DTWD2: variants seen among roughly 807,000 people sequenced by gnomAD.
The protein encoded by DTWD2 is tRNA-uridine aminocarboxypropyltransferase 2.
In DTWD2, 39 loss-of-function variants were observed where a neutral mutation model predicts 31.8. That is an observed-to-expected ratio of 1.22 (90% CI 0.95 to 1.60). The LOEUF (loss-of-function observed/expected upper bound fraction) is 1.60, where lower values mean the gene tolerates loss of function less well. Among genes scored for constraint, DTWD2 ranks in the 40% most tolerant of loss-of-function variants. DTWD2 has a pLI of 0.00. For missense variants in DTWD2, 515 were observed against 381.5 expected (o/e 1.35, Z -2.92); for synonymous variants, 180 against 142.8 (o/e 1.26, Z -1.86).
chr5:118,864,451 C>G (rs999336162), intron 4 of DTWD2, among the ~76,000 whole-genome samples: 3 of 149,938 alleles, frequency 2.0e-5, no homozygotes, highest in Admixed American at 2.0e-4. Context: ...TTAATGGGTG[C>G]AGCACACCAG....
intron 5 of DTWD2, among the ~76,000 whole-genome samples, chr5:118,843,699 C>G (rs1242168469): frequency 6.6e-6 from 1 of 152,162 alleles, no homozygotes; most frequent in African/African-American, 2.4e-5. Flanking sequence ...AAGATTCCAA[C>G]TTTTACATCC....
chr5:118,871,843 T>C (rs542619234), intron 4 of DTWD2, among the ~76,000 whole-genome samples: 1 of 152,302 alleles, frequency 6.6e-6, no homozygotes, highest in Non-Finnish European at 1.5e-5. Context: ...GGCCTATATT[T>C]TGAAGCTCTG....
chr5:118,955,328 T>G (rs1331549951), intron 1 of DTWD2, among the ~76,000 whole-genome samples: 1 of 152,236 alleles, frequency 6.6e-6, no homozygotes, highest in African/African-American at 2.4e-5. Flanking sequence ...TTTATTACCT[T>G]ACTATCAATC....
chr5:118,855,759 T>TA (rs895714541), intron 4 of DTWD2, among the ~76,000 whole-genome samples: 4 of 152,096 alleles, frequency 2.6e-5, no homozygotes, highest in African/African-American at 9.7e-5. Flanking sequence ...TTTCTAAACA[T>TA]AAAAAATGCA....
chr5:118,896,455 TGAG>T (rs1221970259), intron 4 of DTWD2, among the ~76,000 whole-genome samples: 3 of 136,522 alleles, frequency 2.2e-5, no homozygotes, highest in Non-Finnish European at 4.5e-5. Flanking sequence ...ATATACTCTC[TGAG>T]GAGGATAGAA....
Position 118,840,978 on chromosome 5 carries a change from A to T in DTWD2, c.836T>A (p.Met279Lys). Reference protein sequence around the residue: ...LLKNGLYPKPMPKNKRKLRKM... With the variant: ...LLKNGLYPKPKPKNKRKLRKM... The stretch of plus-strand genomic sequence containing the variant: ...CCTGAGTTTGCGTTTGTTCTTTGGC[A>T]TTGGTTTAGGATATAATCCATTTTT... Residue 279 changes from methionine to lysine, a missense_variant, in exon 6 of 6, where the codon ATG becomes AAG. Coordinates refer to ENST00000510708, the MANE Select transcript of DTWD2 (RefSeq NM_173666.4). 2 of 1,613,726 alleles carry T rather than the reference A, an allele frequency of 1.2e-6. No individual in the cohort carries two copies.
chr5:118,876,768 G>T (rs1752630314), intron 4 of DTWD2, among the ~76,000 whole-genome samples: 1 of 152,216 alleles, frequency 6.6e-6, no homozygotes, highest in Non-Finnish European at 1.5e-5. Flanking sequence ...CCAAGGACCA[G>T]ATGGATTCAC....
chr5:118,956,209 G>T (rs1172295943), intron 1 of DTWD2, among the ~76,000 whole-genome samples: 1 of 152,172 alleles, frequency 6.6e-6, no homozygotes, highest in East Asian at 1.9e-4. Context: ...AATAGGTGCT[G>T]AGATTTTTCC....
At chr5:118,943,962 T>C (rs866032607) in intron 2 of DTWD2, among the ~76,000 whole-genome samples, 18 of 152,224 alleles carry the variant, frequency 1.2e-4, no homozygotes, top group Non-Finnish European at 2.5e-4. Flanking sequence ...TTGAGTAGCT[T>C]TGTATTAATT....
intron 4 of DTWD2, among the ~76,000 whole-genome samples, chr5:118,866,020 C>CTG (rs1053156838): frequency 6.8e-6 from 1 of 147,136 alleles, no homozygotes; most frequent in African/African-American, 2.6e-5. Flanking sequence ...GTGTGTGTGT[C>CTG]TGTGTGTGTG....
At chr5:118,932,658 T>A (rs1464163721) in intron 3 of DTWD2, among the ~76,000 whole-genome samples, 1 of 152,012 alleles carries the variant, frequency 6.6e-6, no homozygotes, top group Non-Finnish European at 1.5e-5. Flanking sequence ...AAGAGGAAAT[T>A]TGGACACAAA....
At chr5:118,922,477 T>C (rs1261315593) in intron 4 of DTWD2, among the ~76,000 whole-genome samples, 1 of 152,192 alleles carries the variant, frequency 6.6e-6, no homozygotes, top group Non-Finnish European at 1.5e-5. Flanking sequence ...TGGGGGTATA[T>C]GCATATTGAA....
rs145787055 is a variant in DTWD2 at position 118,896,834 on chromosome 5, T to C, written c.597+31703A>G. Among the ~76,000 whole-genome samples the C allele has an allele frequency of 1.6e-4, 25 of 152,290 alleles. No individual in the cohort carries two copies. The East Asian group carries it at 4.4e-3, about 27-fold the overall frequency. ...GGCCACATGTAGGCATTCCAGTCAA[T>C]GGACCCAGCTGAGTACAACCTTTCA... On this transcript the variant is annotated intron_variant, in intron 4 of 5. Transcript: ENST00000510708.
rs1753974546 is a variant in DTWD2, at chr5:118,933,683, A to G, written c.405-4954T>C. 2.6e-5 allele frequency among the ~76,000 whole-genome samples: 4 copies of G among 152,190 alleles called. No homozygotes were observed. In the South Asian group the frequency reaches 8.3e-4, roughly 32 times the overall value. Reference sequence around the variant, plus strand: ...AGTAAAGAACATTTCCAAAATACCTATAGCTAGCATTATACGTAATTGTTC... The same window carrying G: ...AGTAAAGAACATTTCCAAAATACCTGTAGCTAGCATTATACGTAATTGTTC... On this transcript the variant is annotated intron_variant, in intron 3 of 5. Coordinates refer to ENST00000510708, the MANE Select transcript of DTWD2 (RefSeq NM_173666.4).
chr5:118,861,567 G>A (rs1341200558), intron 4 of DTWD2, among the ~76,000 whole-genome samples: 1 of 150,454 alleles, frequency 6.6e-6, no homozygotes, highest in Non-Finnish European at 1.5e-5. Context: ...AGGTTTTAAC[G>A]AAACTGATTT....
intron 1 of DTWD2, among the ~76,000 whole-genome samples, chr5:118,960,898 A>C (rs1754690508): frequency 6.6e-6 from 1 of 152,146 alleles, no homozygotes; most frequent in African/African-American, 2.4e-5. Context: ...GCCAAGAAGG[A>C]AACAATAGAC....
At chr5:118,895,525 T>C (rs908919772) in intron 4 of DTWD2, among the ~76,000 whole-genome samples, 1 of 152,210 alleles carries the variant, frequency 6.6e-6, no homozygotes, top group Non-Finnish European at 1.5e-5. Flanking sequence ...GCAATTCATA[T>C]GGAACCACAA....
chr5:118,843,213 C>A (rs1039025928), intron 5 of DTWD2, among the ~76,000 whole-genome samples: 4 of 151,770 alleles, frequency 2.6e-5, no homozygotes, highest in Non-Finnish European at 5.9e-5. Context: ...CCTCGGCCTC[C>A]CAAAGTGCTG....
intron 4 of DTWD2, among the ~76,000 whole-genome samples, chr5:118,883,817 C>T (rs1013943650): frequency 5.9e-5 from 9 of 152,070 alleles, no homozygotes; most frequent in African/African-American, 2.2e-4. Flanking sequence ...GACACAGAGC[C>T]AAACCATATC....
Sources: allele counts gnomAD v4.1 joint callset (sites outside exome capture counted in the v4.1 genomes callset), GRCh38; gene constraint gnomAD v4.1.1; transcripts MANE v1.5; gene names NCBI Gene and HGNC (gene_info 2026-07-23, HGNC 2026-07-21).